PRICKLE2: variants seen among roughly 807,000 people sequenced by gnomAD.
PRICKLE2 encodes prickle-like protein 2.
A neutral mutation model predicts 81.4 loss-of-function variants in PRICKLE2; 21 were observed. That is an observed-to-expected ratio of 0.26 (90% CI 0.18 to 0.37). PRICKLE2 has a LOEUF of 0.37. Ranked by LOEUF, PRICKLE2 falls within the 10% of genes least tolerant of loss-of-function variation. PRICKLE2 has a pLI of 1.00. For missense variants in PRICKLE2, 940 were observed against 1,109.0 expected, an observed-to-expected ratio of 0.85 and a Z score of 2.16; for synonymous variants, 456 against 421.5, an observed-to-expected ratio of 1.08 and a Z score of -1.00.
chr3:64,104,181 T>C (rs2076716624), intron 7 of PRICKLE2, among the ~76,000 whole-genome samples: 2 of 152,198 alleles, frequency 1.3e-5, no homozygotes, highest in Admixed American at 6.5e-5. Flanking sequence ...CTGCTGCTTA[T>C]CTCTTACATA....
chr3:64,156,479 CT>C (rs1280886941), intron 5 of PRICKLE2, among the ~76,000 whole-genome samples: 3 of 152,164 alleles, frequency 2.0e-5, no homozygotes, highest in African/African-American at 7.2e-5. Flanking sequence ...TTAGAACATT[CT>C]TTTTTCTGCT....
chr3:64,267,032 G>A (rs2079721163), intron 2 of PRICKLE2, among the ~76,000 whole-genome samples: 1 of 151,820 alleles, frequency 6.6e-6, no homozygotes, highest in South Asian at 2.1e-4. Flanking sequence ...GGGGGGAGCT[G>A]AAACCTCATC....
intron 2 of PRICKLE2, among the ~76,000 whole-genome samples, chr3:64,169,905 C>T (rs190421678): frequency 2.6e-5 from 4 of 152,208 alleles, no homozygotes; most frequent in East Asian, 1.9e-4. Context: ...ATTTGCTGCA[C>T]GTGGTGGTCT....
At chr3:64,135,720 ACACG>A (rs776966431) in intron 7 of PRICKLE2, among the ~76,000 whole-genome samples, 1,506 of 135,806 alleles carry the variant, frequency 0.011, 28 homozygotes, top group African/African-American at 0.036. Context: ...ACACACACAC[ACACG>A]CACACACACC....
At position 64,160,240 on chromosome 3, in the gene PRICKLE2, C is replaced by T. The variant is rs971126876; in HGVS notation, c.259-163G>A. Among the ~76,000 whole-genome samples the T allele has an allele frequency of 2.6e-5, 4 of 152,070 alleles. No individual in the cohort carries two copies. The East Asian group carries it at 5.8e-4, about 22-fold the overall frequency. Reference sequence around the variant, plus strand: ...CCTTGGAGAGATTTAAGGTGAGTCTCTACTAAGGTGAGTCTCTACTAAGAT... The same window carrying T: ...CCTTGGAGAGATTTAAGGTGAGTCTTTACTAAGGTGAGTCTCTACTAAGAT... On this transcript the variant is annotated intron_variant, in intron 3 of 7. Transcript: ENST00000638394.
intron 7 of PRICKLE2, among the ~76,000 whole-genome samples, chr3:64,109,182 A>T (rs569619217): frequency 1.3e-5 from 2 of 152,194 alleles, no homozygotes; most frequent in African/African-American, 4.8e-5. Flanking sequence ...TTCTTTCTAG[A>T]GAAGGATTAT....
intron 1 of PRICKLE2, among the ~76,000 whole-genome samples, chr3:64,218,447 G>T (rs2078905258): frequency 6.6e-6 from 1 of 152,144 alleles, no homozygotes; most frequent in Non-Finnish European, 1.5e-5. Context: ...CCAGAGTCAG[G>T]TGATATGAAT....
In PRICKLE2 at chr3:64,181,582, C is replaced by T. The variant is rs140155396; in HGVS notation, c.144+17202G>A. Among the ~76,000 whole-genome samples, 338 of 152,066 alleles carry T rather than the reference C, an allele frequency of 2.2e-3. 1 individual carries two copies. Among genetic ancestry groups the T allele is most frequent in the African/African-American group, 7.5e-3 (313 of 41,492 alleles). ...TACTGACAGCTCTTCCAGATCCTTT[C>T]GGAAACTAGGCAGAAAATGGATTGA... On this transcript the variant is annotated intron_variant, in intron 2 of 7. Transcript: ENST00000638394.
chr3:64,159,059 A>T (rs1188955816), intron 4 of PRICKLE2, among the ~76,000 whole-genome samples: 1 of 152,150 alleles, frequency 6.6e-6, no homozygotes, highest in Non-Finnish European at 1.5e-5. Context: ...GAGGTGGGGC[A>T]AGGTGTGTTC....
chr3:64,160,980 A>C (rs2077724123), intron 3 of PRICKLE2, among the ~76,000 whole-genome samples: 1 of 151,632 alleles, frequency 6.6e-6, no homozygotes, highest in African/African-American at 2.4e-5. Flanking sequence ...ACAAACAAAC[A>C]AACAAAAAAA....
At chr3:64,200,198 T>C (rs2078545823) in intron 1 of PRICKLE2, 1 of 152,242 alleles carries the variant, frequency 6.6e-6, no homozygotes, top group Non-Finnish European at 1.5e-5. Context: ...ATTTTGGACA[T>C]TTCATATAAA....
intron 5 of PRICKLE2, among the ~76,000 whole-genome samples, chr3:64,156,521 A>G (rs2077637544): frequency 6.6e-6 from 1 of 152,210 alleles, no homozygotes; most frequent in South Asian, 2.1e-4. Context: ...CAGGTTTTCT[A>G]TTCTGTCAGC....
chr3:64,222,664 G>C (rs1017954928), intron 1 of PRICKLE2, among the ~76,000 whole-genome samples: 1 of 152,166 alleles, frequency 6.6e-6, no homozygotes, highest in African/African-American at 2.4e-5. Flanking sequence ...AAGGCACCCA[G>C]ATGGTGGCAA....
intron 7 of PRICKLE2, among the ~76,000 whole-genome samples, chr3:64,120,327 AG>A (rs1387858051): frequency 1.3e-5 from 2 of 152,354 alleles, no homozygotes; most frequent in East Asian, 3.9e-4. Flanking sequence ...TTGCATTTAT[AG>A]AGCTCTTTAT....
chr3:64,155,062 T>C (rs1032021916), intron 5 of PRICKLE2: 15 of 150,058 alleles, frequency 1.0e-4, no homozygotes, highest in Middle Eastern at 3.4e-3. Context: ...GTCAGGAGAA[T>C]TGCTTGAACC....
chr3:64,119,272 G>C, intron 7 of PRICKLE2, among the ~76,000 whole-genome samples: 1 of 152,100 alleles, frequency 6.6e-6, no homozygotes, highest in East Asian at 1.9e-4. Flanking sequence ...ACGGGTACTA[G>C]GCTTAATAGC....
intron 2 of PRICKLE2, among the ~76,000 whole-genome samples, chr3:64,260,563 C>T (rs996511974): frequency 5.3e-5 from 8 of 152,216 alleles, no homozygotes; most frequent in Admixed American, 2.0e-4. Flanking sequence ...GTCTTAGTAA[C>T]TCAATGAACA....
Position 64,177,125 on chromosome 3 carries a change from C to CTTTTTTT in PRICKLE2, c.145-14003_145-13997dup, listed in dbSNP as rs10690677. Among the ~76,000 whole-genome samples, 20 of 70,838 alleles carry CTTTTTTT rather than the reference C, an allele frequency of 2.8e-4. 2 individuals carry two copies. The highest frequency in any genetic ancestry group is 8.2e-4 in the Admixed American group (3 of 3,678). The allele number at this position is 70,838 out of a possible 152,430, so 46.5% of individuals were successfully genotyped here. On this transcript the variant is annotated intron_variant, in intron 2 of 7. Coordinates refer to ENST00000638394, the MANE Select transcript of PRICKLE2 (RefSeq NM_198859.4). ...ACATTACAAGATTTGCCATTTTAAC[C>CTTTTTTT]TTTTTTTTTTTTTTTTTTTTTTTTT...
intron 2 of PRICKLE2, among the ~76,000 whole-genome samples, chr3:64,241,536 T>C (rs1272055396): frequency 1.3e-5 from 2 of 152,232 alleles, no homozygotes; most frequent in Non-Finnish European, 2.9e-5. Context: ...TTTTCAGTAT[T>C]TTATACTATA....
Sources: gnomAD v4.1 joint callset for allele counts (sites outside exome capture counted in the v4.1 genomes callset) on GRCh38, gnomAD v4.1.1 for gene constraint, MANE v1.5 for transcripts, NCBI Gene and HGNC (gene_info 2026-07-23, HGNC 2026-07-21) for gene names.